TCP10L: variants seen among roughly 807,000 people sequenced by gnomAD.
TCP10L encodes the protein t-complex 10 like.
A neutral mutation model predicts 19.2 loss-of-function variants in TCP10L; 11 were observed. That is an observed-to-expected ratio of 0.57 (90% CI 0.36 to 0.95). The LOEUF is 0.95. TCP10L is among the 40% of genes least tolerant of loss of function. The probability of loss-of-function intolerance (pLI) is 0.01; values close to 1 mark genes in which losing one functional copy is unlikely to be tolerated. For missense variants in TCP10L, 247 were observed against 263.9 expected (o/e 0.94, Z 0.44); for synonymous variants, 96 against 97.2 (o/e 0.99, Z 0.07).
intron 3 of TCP10L, among the ~76,000 whole-genome samples, chr21:32,580,560 G>A (rs2022828014): frequency 6.6e-6 from 1 of 151,632 alleles, no homozygotes; most frequent in Admixed American, 6.6e-5. Flanking sequence ...AGTCCTGGAA[G>A]TACCGATTTA....
chr21:32,583,658 C>T lies in TCP10L; in HGVS notation c.144+503G>A, dbSNP rs1015728117. On this transcript the variant is annotated intron_variant, in intron 2 of 4. Coordinates refer to ENST00000300258, the MANE Select transcript of TCP10L (RefSeq NM_144659.7). ...TTTTCAACCTAACATGTTAGCCTTC[C>T]CCTGGGATCCTTCACTGGATCGTAG... Among the ~76,000 whole-genome samples the T allele has an allele frequency of 3.3e-5, 5 of 151,918 alleles. No individual in the cohort carries two copies. In the South Asian group the frequency reaches 6.2e-4, roughly 19 times the overall value.
At chr21:32,585,135 A>T (rs1034385640) in intron 1 of TCP10L, among the ~76,000 whole-genome samples, 3 of 152,314 alleles carry the variant, frequency 2.0e-5, no homozygotes, top group African/African-American at 7.2e-5. Flanking sequence ...GTTTAACCAC[A>T]GTGATCGGAG....
chr21:32,581,534 A>C (rs2146527539), intron 3 of TCP10L, among the ~76,000 whole-genome samples: 1 of 152,052 alleles, frequency 6.6e-6, no homozygotes, highest in Middle Eastern at 3.4e-3. Flanking sequence ...AGCTGGAAAC[A>C]TTCACCCCCA....
chr21:32,574,488 C>T lies in TCP10L; in HGVS notation c.*2286G>A, dbSNP rs2038409298. The T allele has an allele frequency of 1.2e-5, 2 of 166,152 alleles. No homozygotes were observed. The highest frequency in any genetic ancestry group is 2.4e-5 in the African/African-American group (1 of 41,476). 10.3% of individuals were successfully genotyped at this position (166,152 alleles called of 1,614,324 possible). A position where few individuals can be genotyped will look rare whatever the true frequency, so the allele number is the denominator to read the frequency against. ...CTCTTGACACCCACTCCGAATCTCA[C>T]TTCCCCAGGATGAAAAGGTGAGCTT... On this transcript the variant is annotated 3_prime_UTR_variant, in exon 5 of 5. Transcript: ENST00000300258.
rs990943528 is a variant in TCP10L at position 32,582,460 on chromosome 21, A to C, written c.145-45T>G. On this transcript the variant is annotated intron_variant, in intron 2 of 4. Transcript: ENST00000300258. This position sits in a 1 kb window ranked among gnomAD's most constrained non-coding sequence, Gnocchi z 4.2. ...ACCAGAAAAACCTCTCAGATGTCAC[A>C]ATGGGCACATTTATCTGCAAAATAC... 5.7e-6 allele frequency: 9 copies of C among 1,571,044 alleles called. No homozygotes were observed. In the East Asian group the frequency reaches 1.8e-4, roughly 31 times the overall value.
chr21:32,584,162 G>T lies in TCP10L; in HGVS notation c.143C>A (p.Pro48Gln). The T allele has an allele frequency of 6.2e-7, 1 of 1,611,794 alleles. No homozygotes were observed. Among genetic ancestry groups the T allele is most frequent in the Non-Finnish European group, 8.5e-7 (1 of 1,178,472 alleles). ...LTEDCNTGEMPPLQQQIIRLH... is the reference protein window; with the variant it reads ...LTEDCNTGEMQPLQQQIIRLH... Reference sequence around the variant, plus strand: ...CTGTCCCCACAGAGCTCAACTCACTGGCATCTCCCCAGTGTTGCAGTCCTC... The same window carrying T: ...CTGTCCCCACAGAGCTCAACTCACTTGCATCTCCCCAGTGTTGCAGTCCTC... The change falls in exon 2 of 5, where the codon CCA becomes CAA. Residue 48 changes from proline (P) to glutamine (Q), a missense_variant and splice_region_variant. Physicochemically the swap from Pro to Gln is moderately conservative, Grantham distance 76. Coordinates refer to ENST00000300258, the MANE Select transcript of TCP10L (RefSeq NM_144659.7).
Position 32,578,832 on chromosome 21 carries a change from C to T in TCP10L, c.361-1G>A. 1 of 1,613,898 alleles carries T rather than the reference C, an allele frequency of 6.2e-7. No individual in the cohort carries two copies. Among genetic ancestry groups the T allele is most frequent in the African/African-American group, 1.3e-5 (1 of 74,980 alleles). The stretch of plus-strand genomic sequence containing the variant: ...TTTTTCCAAAAGCAGGTTCCAATGC[C>T]TAAAAGACAAAATGCAGGGAAATTC... On this transcript the variant is annotated splice_acceptor_variant, in intron 3 of 4. Transcript: ENST00000300258. LOFTEE classifies it high-confidence loss of function. The surrounding 1 kb of genome is among the most constrained non-coding windows in gnomAD (Gnocchi z 4.2).
Position 32,576,820 on chromosome 21 carries a change from G to T in TCP10L, c.602C>A (p.Pro201His), listed in dbSNP as rs144529443. Residue 201 changes from proline (P) to histidine (H), a missense_variant, in exon 5 of 5, where the codon CCT (proline) becomes CAT (histidine). Pro to His is a moderately conservative substitution (Grantham distance 77). Transcript: ENST00000300258. Reference sequence around the variant, plus strand: ...TGCACAGGGAGTTGGCCTTCCAGTAGGTGTTGCTCTTCTGTCTTGACGTCT... The same window carrying T: ...TGCACAGGGAGTTGGCCTTCCAGTATGTGTTGCTCTTCTGTCTTGACGTCT... ...SRRRQDRRAT[P>H]TGRPTPCAER... The T allele has an allele frequency of 1.1e-5, 17 of 1,613,902 alleles. No homozygotes were observed. Among genetic ancestry groups the T allele is most frequent in the Non-Finnish European group, 1.4e-5 (17 of 1,180,020 alleles).
At position 32,574,924 on chromosome 21, in the gene TCP10L, G is replaced by A. The variant is rs1030399841; in HGVS notation, c.*1850C>T. 3.9e-5 allele frequency: 6 copies of A among 152,248 alleles called. No individual in the cohort carries two copies. Among genetic ancestry groups the A allele is most frequent in the Admixed American group, 6.5e-5 (1 of 15,282 alleles). The allele number at this position is 152,248 out of a possible 1,614,324, so 9.4% of individuals were successfully genotyped here. A position where few individuals can be genotyped will look rare whatever the true frequency, so the allele number is the denominator to read the frequency against. ...TATTCTGATGGATCAGGAGATTCACGGATGGAAAGGCACTGTCTTGGCCCT... is the reference window on the plus strand; with the variant it reads ...TATTCTGATGGATCAGGAGATTCACAGATGGAAAGGCACTGTCTTGGCCCT... On this transcript the variant is annotated 3_prime_UTR_variant, in exon 5 of 5. Coordinates refer to ENST00000300258, the MANE Select transcript of TCP10L (RefSeq NM_144659.7).
chr21:32,576,402 G>A lies in TCP10L; in HGVS notation c.*372C>T. 1.0e-6 allele frequency: 1 copy of A among 983,070 alleles called. No homozygotes were observed. Among genetic ancestry groups the A allele is most frequent in the South Asian group, 1.7e-5 (1 of 58,416 alleles). The allele number at this position is 983,070 out of a possible 1,614,324, so 60.9% of individuals were successfully genotyped here. A position where few individuals can be genotyped will look rare whatever the true frequency, so the allele number is the denominator to read the frequency against. ...AATGCCTTGAGCCCAAAGGCTGGGA[G>A]CACAAAGCCATCTTCAGCCATCCTC... On this transcript the variant is annotated 3_prime_UTR_variant, in exon 5 of 5. Coordinates refer to ENST00000300258, the MANE Select transcript of TCP10L (RefSeq NM_144659.7).
Position 32,576,591 on chromosome 21 carries a change from G to C in TCP10L, c.*183C>G. 1 of 691,272 alleles carries C rather than the reference G, an allele frequency of 1.4e-6. No homozygotes were observed. The highest frequency in any genetic ancestry group is 2.4e-6 in the Non-Finnish European group (1 of 419,424). The allele number at this position is 691,272 out of a possible 1,614,324, so 42.8% of individuals were successfully genotyped here. ...AGTTGTTTGCTTTTATAGCATTAGA[G>C]ACATGTCTGAAGAACTTCAAGTTTT... On this transcript the variant is annotated 3_prime_UTR_variant, in exon 5 of 5. Transcript: ENST00000300258.
intron 3 of TCP10L, among the ~76,000 whole-genome samples, chr21:32,580,330 T>C (rs1031328888): frequency 6.6e-6 from 1 of 151,130 alleles, no homozygotes; most frequent in Non-Finnish European, 1.5e-5. Flanking sequence ...ATGGTCTCAA[T>C]CTCCTGACCT....
chr21:32,583,588 CAAAAAAAAA>C (rs771224269), intron 2 of TCP10L, among the ~76,000 whole-genome samples: 36 of 82,910 alleles, frequency 4.3e-4, no homozygotes, highest in Admixed American at 1.3e-4. Flanking sequence ...GACTCCGTCT[CAAAAAAAAA>C]AAAAAAAAAA....
intron 2 of TCP10L, 116 bp downstream of exon 2, chr21:32,584,045 G>C: frequency 7.3e-7 from 1 of 1,367,020 alleles, no homozygotes. Context: ...TCAGTGTCCC[G>C]GGGTGGTGCA....
Position 32,576,867 on chromosome 21 carries a change from A to AT in TCP10L, c.554dup (p.Asn185LysfsTer2). On this transcript the variant is annotated frameshift_variant, in exon 5 of 5. Transcript: ENST00000300258. LOFTEE classifies it low-confidence loss of function (END_TRUNC). ...GTCTCCTGGAAAGATTTTTATCTCT[A>AT]TTTTCCTGTGGTGGTGTTTTCCACG... 6.2e-7 allele frequency: 1 copy of AT among 1,614,024 alleles called. No individual in the cohort carries two copies. Among genetic ancestry groups the AT allele is most frequent in the South Asian group, 1.1e-5 (1 of 91,070 alleles).
At position 32,576,666 on chromosome 21, in the gene TCP10L, T is replaced by A. The variant is rs1302598991; in HGVS notation, c.*108A>T. Reference sequence around the variant, plus strand: ...AATAAATTACTAGGTCTATTTTGAATAACAAATTGAGTACTTTTATTAGAC... The same window carrying A: ...AATAAATTACTAGGTCTATTTTGAAAAACAAATTGAGTACTTTTATTAGAC... On this transcript the variant is annotated 3_prime_UTR_variant, in exon 5 of 5. Transcript: ENST00000300258. 1.7e-6 allele frequency: 2 copies of A among 1,194,956 alleles called. No individual in the cohort carries two copies. Among genetic ancestry groups the A allele is most frequent in the Non-Finnish European group, 2.4e-6 (2 of 841,592 alleles). 74.0% of individuals were successfully genotyped at this position (1,194,956 alleles called of 1,614,324 possible).
chr21:32,582,609 T>A lies in TCP10L; in HGVS notation c.145-194A>T, dbSNP rs1023698069. ...TCCTTTCTTTCTTTCTTTTCTTTTC[T>A]TTTTTCAGGGTCTCACTCAGTCACT... On this transcript the variant is annotated intron_variant, in intron 2 of 4. Transcript: ENST00000300258. This position sits in a 1 kb window ranked among gnomAD's most constrained non-coding sequence, Gnocchi z 4.2. Among the ~76,000 whole-genome samples, 1 of 152,204 alleles carries A rather than the reference T, an allele frequency of 6.6e-6. No homozygotes were observed. Among genetic ancestry groups the A allele is most frequent in the Non-Finnish European group, 1.5e-5 (1 of 68,034 alleles).
At chr21:32,583,804 CCAATGAGGAAGATGGTA>C (rs146106001) in intron 2 of TCP10L, among the ~76,000 whole-genome samples, 50,186 of 151,952 alleles carry the variant, frequency 0.33, 8,739 homozygotes, top group African/African-American at 0.44. Context: ...CCAACAGGGT[CCAATGAGGAAGATGGTA>C]AAAATCAGGA....
rs114066730 is a variant in TCP10L, at chr21:32,584,734, G to T, written c.-1-429C>A. Among the ~76,000 whole-genome samples the T allele has an allele frequency of 1.6e-3, 237 of 152,138 alleles. 1 individual carries two copies. The highest frequency in any genetic ancestry group is 5.5e-3 in the African/African-American group (229 of 41,510). Reference sequence around the variant, plus strand: ...CAGGTGTGAGTGGAATGGTCTCAGGGTGTGAGCAGGTGTGAGTGGAGGGTC... The same window carrying T: ...CAGGTGTGAGTGGAATGGTCTCAGGTTGTGAGCAGGTGTGAGTGGAGGGTC... On this transcript the variant is annotated intron_variant, in intron 1 of 4. Transcript: ENST00000300258.
Sources: gnomAD v4.1 joint callset for allele counts (sites outside exome capture counted in the v4.1 genomes callset) on GRCh38, gnomAD v4.1.1 for gene constraint, Gnocchi (gnomAD v3.1) non-coding constraint, MANE v1.5 for transcripts, NCBI Gene and HGNC (gene_info 2026-07-23, HGNC 2026-07-21) for gene names.